Variants in GULP1 observed in about 807,000 individuals in gnomAD.
GULP1 encodes the protein PTB domain-containing engulfment adapter protein 1.
A neutral mutation model predicts 40.9 loss-of-function variants in GULP1; 19 were observed. That is an observed-to-expected ratio of 0.46 (90% CI 0.32 to 0.68). The LOEUF (loss-of-function observed/expected upper bound fraction) is 0.68, where lower values mean the gene tolerates loss of function less well. GULP1 is among the 30% of genes least tolerant of loss of function. The pLI is 0.03. For synonymous variants in GULP1, 119 were observed against 117.6 expected (o/e 1.01, Z -0.08); for missense variants, 312 against 362.2 (o/e 0.86, Z 1.12).
intron 1 of GULP1, among the ~76,000 whole-genome samples, chr2:188,343,752 A>C (rs1365027073): frequency 6.6e-6 from 1 of 152,172 alleles, no homozygotes; most frequent in Non-Finnish European, 1.5e-5. Context: ...ACTGTGATCT[A>C]AGTTCAAATT....
intron 7 of GULP1, among the ~76,000 whole-genome samples, chr2:188,554,484 C>G (rs1289642212): frequency 6.6e-6 from 1 of 150,462 alleles, no homozygotes; most frequent in Non-Finnish European, 1.5e-5. Flanking sequence ...TATTTTTATT[C>G]CATTGTGGTC....
chr2:188,491,028 G>A (rs1575575827), intron 4 of GULP1, among the ~76,000 whole-genome samples: 1 of 151,890 alleles, frequency 6.6e-6, no homozygotes. Flanking sequence ...GAACTCCTGA[G>A]CTCAAGCGAT....
chr2:188,312,420 A>G (rs2038329190), intron 1 of GULP1, among the ~76,000 whole-genome samples: 1 of 152,084 alleles, frequency 6.6e-6, no homozygotes, highest in South Asian at 2.1e-4. Context: ...TTTCTGTGTT[A>G]GTTTGCTGAG....
chr2:188,511,749 C>A (rs2153201332), intron 4 of GULP1, among the ~76,000 whole-genome samples: 1 of 152,016 alleles, frequency 6.6e-6, no homozygotes, highest in African/African-American at 2.4e-5. Flanking sequence ...TGAACAAATA[C>A]AATGTAATAA....
intron 1 of GULP1, among the ~76,000 whole-genome samples, chr2:188,308,266 G>C (rs1038736923): frequency 6.6e-6 from 1 of 152,074 alleles, no homozygotes; most frequent in African/African-American, 2.4e-5. Context: ...TGTTTTTTAG[G>C]TTTGGTATTT....
chr2:188,567,651 G>A (rs1278824008), intron 7 of GULP1, among the ~76,000 whole-genome samples: 1 of 152,074 alleles, frequency 6.6e-6, no homozygotes, highest in Non-Finnish European at 1.5e-5. Flanking sequence ...GGTGGGAGGC[G>A]AGGGGAGGGA....
intron 1 of GULP1, among the ~76,000 whole-genome samples, chr2:188,356,882 T>A (rs560921966): frequency 2.0e-5 from 3 of 152,172 alleles, no homozygotes; most frequent in African/African-American, 7.2e-5. Flanking sequence ...TGGAATAGAA[T>A]AGAGAACCCA....
chr2:188,441,751 C>T (rs2057953737), intron 2 of GULP1, among the ~76,000 whole-genome samples: 1 of 152,176 alleles, frequency 6.6e-6, no homozygotes, highest in Non-Finnish European at 1.5e-5. Flanking sequence ...GAGCCTCCCA[C>T]CTGCTGTGGT....
At chr2:188,534,213 A>G (rs564214662) in intron 6 of GULP1, among the ~76,000 whole-genome samples, 3 of 152,344 alleles carry the variant, frequency 2.0e-5, no homozygotes, top group Admixed American at 6.5e-5. Context: ...ACTTTTCACA[A>G]TAGCAAAAAC....
chr2:188,532,930 AAAAG>A, intron 6 of GULP1, among the ~76,000 whole-genome samples: 1 of 152,112 alleles, frequency 6.6e-6, no homozygotes, highest in Admixed American at 6.6e-5. Context: ...CATAAAAAAG[AAAAG>A]AAAGAAAGAT....
intron 1 of GULP1, among the ~76,000 whole-genome samples, chr2:188,339,995 C>T (rs980911173): frequency 3.9e-5 from 6 of 152,160 alleles, no homozygotes; most frequent in South Asian, 4.1e-4. Flanking sequence ...GTGCAAGTGT[C>T]ACTCAATATG....
chr2:188,410,694 C>T (rs888221729), intron 2 of GULP1, among the ~76,000 whole-genome samples: 1 of 152,152 alleles, frequency 6.6e-6, no homozygotes, highest in Non-Finnish European at 1.5e-5. Flanking sequence ...ATGTGGCAAT[C>T]TTAACTTCCA....
chr2:188,500,368 A>T (rs2063321707), intron 4 of GULP1, among the ~76,000 whole-genome samples: 1 of 151,946 alleles, frequency 6.6e-6, no homozygotes, highest in Non-Finnish European at 1.5e-5. Context: ...CTTGTTCCCT[A>T]CCAATCTTTA....
intron 1 of GULP1, among the ~76,000 whole-genome samples, chr2:188,368,872 G>T (rs1157291048): frequency 2.1e-5 from 3 of 140,528 alleles, no homozygotes; most frequent in Non-Finnish European, 3.1e-5. Context: ...TCTTTTCATT[G>T]GGTTAGTATA....
At chr2:188,314,083 A>G (rs572100287) in intron 1 of GULP1, among the ~76,000 whole-genome samples, 1 of 151,918 alleles carries the variant, frequency 6.6e-6, no homozygotes, top group Non-Finnish European at 1.5e-5. Flanking sequence ...TGAAGTCTTA[A>G]CACTGTCTGT....
intron 1 of GULP1, among the ~76,000 whole-genome samples, chr2:188,307,305 G>C (rs1459673742): frequency 6.6e-6 from 1 of 152,072 alleles, no homozygotes; most frequent in South Asian, 2.1e-4. Context: ...ACTTACAAAA[G>C]ATAAAAATTA....
At chr2:188,345,235 A>G (rs1431116813) in intron 1 of GULP1, among the ~76,000 whole-genome samples, 1 of 152,134 alleles carries the variant, frequency 6.6e-6, no homozygotes, top group Non-Finnish European at 1.5e-5. Flanking sequence ...ATCATTAGCA[A>G]CACACCACTC....
intron 4 of GULP1, 93 bp from the exon 5 acceptor site, chr2:188,522,662 AT>A: frequency 1.5e-6 from 1 of 661,710 alleles, no homozygotes; most frequent in Non-Finnish European, 2.8e-6. Context: ...TTGCATTACT[AT>A]TAAACCATTC....
chr2:188,389,385 T>C (rs1378407257), intron 2 of GULP1, among the ~76,000 whole-genome samples: 2 of 152,148 alleles, frequency 1.3e-5, no homozygotes, highest in South Asian at 2.1e-4. Context: ...TAGAGTAATT[T>C]ACACCAAACA....
Sources: gnomAD v4.1 joint callset for allele counts (sites outside exome capture counted in the v4.1 genomes callset) on GRCh38, gnomAD v4.1.1 for gene constraint, MANE v1.5 for transcripts, NCBI Gene and HGNC (gene_info 2026-07-23, HGNC 2026-07-21) for gene names.